The following INTS13 variants were observed in gnomAD, a reference collection of about 807,000 sequenced individuals.
INTS13 encodes the protein asunder, spermatogenesis regulator homolog (Drosphila).
In INTS13, 35 loss-of-function variants were observed where a neutral mutation model predicts 90.2. The observed-to-expected ratio is 0.39, with a 90% CI of 0.30 to 0.51. The LOEUF (loss-of-function observed/expected upper bound fraction) is 0.51. Ranked by LOEUF, INTS13 falls within the 20% of genes least tolerant of loss-of-function variation. INTS13 has a pLI of 0.80. For missense variants in INTS13, 601 were observed against 851.2 expected (o/e 0.71, Z 3.66); for synonymous variants, 309 against 277.1 (o/e 1.11, Z -1.14).
chr12:26,931,568 C>T (rs1486353143), intron 3 of INTS13, among the ~76,000 whole-genome samples: 2 of 152,200 alleles, frequency 1.3e-5, no homozygotes, highest in Non-Finnish European at 2.9e-5. Flanking sequence ...ATAATGTATT[C>T]AATTATTTCA....
At chr12:26,922,119 A>G (rs1271934624) in intron 8 of INTS13, among the ~76,000 whole-genome samples, 3 of 152,192 alleles carry the variant, frequency 2.0e-5, no homozygotes, top group African/African-American at 7.2e-5. Flanking sequence ...TATAAACACT[A>G]CAAGTCCATT....
chr12:26,915,492 C>T (rs908407603), intron 11 of INTS13, among the ~76,000 whole-genome samples: 2 of 152,046 alleles, frequency 1.3e-5, no homozygotes, highest in African/African-American at 4.8e-5. Context: ...ATAAATCACA[C>T]TTAGTTTTTA....
intron 7 of INTS13, among the ~76,000 whole-genome samples, chr12:26,923,169 G>A (rs1371461685): frequency 1.3e-5 from 2 of 151,962 alleles, no homozygotes; most frequent in Non-Finnish European, 2.9e-5. Flanking sequence ...CTTGTTTTCA[G>A]TAATAGGAAA....
At chr12:26,912,658 C>T (rs900542572) in intron 14 of INTS13, among the ~76,000 whole-genome samples, 1 of 151,856 alleles carries the variant, frequency 6.6e-6, no homozygotes, top group Non-Finnish European at 1.5e-5. Flanking sequence ...AGACTGTATG[C>T]CCTTCTTCTG....
intron 15 of INTS13, among the ~76,000 whole-genome samples, chr12:26,908,283 T>C (rs533819305): frequency 1.3e-5 from 2 of 152,342 alleles, no homozygotes; most frequent in Non-Finnish European, 1.5e-5. Context: ...GACTGTTGTG[T>C]ACCCTGATTG....
At chr12:26,927,777 G>A (rs902157965) in intron 5 of INTS13, among the ~76,000 whole-genome samples, 10 of 150,134 alleles carry the variant, frequency 6.7e-5, no homozygotes, top group East Asian at 2.0e-4. Flanking sequence ...CACCAGGCCC[G>A]GCTAATTTTT....
At chr12:26,923,255 C>A (rs1937683992) in intron 7 of INTS13, among the ~76,000 whole-genome samples, 1 of 152,040 alleles carries the variant, frequency 6.6e-6, no homozygotes, top group African/African-American at 2.4e-5. Flanking sequence ...CAAATATGAT[C>A]AAAATTAACA....
chr12:26,933,143 G>C (rs901485136), intron 3 of INTS13, among the ~76,000 whole-genome samples: 1 of 152,156 alleles, frequency 6.6e-6, no homozygotes, highest in Admixed American at 6.5e-5. Flanking sequence ...CAATCAAATA[G>C]AGAGTTCTAT....
At chr12:26,936,912 G>A in intron 1 of INTS13, 98 bp from the exon 2 acceptor site, 1 of 773,588 alleles carries the variant, frequency 1.3e-6, no homozygotes, top group Non-Finnish European at 2.1e-6. Context: ...AAGAAGACTT[G>A]GTAGGGAACA....
At chr12:26,934,168 G>T (rs757172417) in intron 3 of INTS13, among the ~76,000 whole-genome samples, 1 of 152,152 alleles carries the variant, frequency 6.6e-6, no homozygotes, top group African/African-American at 2.4e-5. Flanking sequence ...TCAGCTACTC[G>T]GGAGGCTTAG....
rs1482291797 is a variant in INTS13 at position 26,906,389 on chromosome 12, T to C, written c.1994A>G (p.Asn665Ser). ...SLWSNRINTA[N>S]SRKHQEFAGR... Reference sequence around the variant, plus strand: ...AGCAAATTCCTGATGTTTTCTGGAATTGGCAGTATTGATTCTATTACTCCA... The same window carrying C: ...AGCAAATTCCTGATGTTTTCTGGAACTGGCAGTATTGATTCTATTACTCCA... The change falls in exon 16 of 17, where the codon AAT (asparagine) becomes AGT (serine). Residue 665 changes from asparagine to serine, a missense_variant. By Grantham distance (46) the Asn-to-Ser change is conservative (BLOSUM62 1). This residue lies in a region of INTS13 where 228 missense variants were observed against 272.5 expected (regional missense o/e 0.84). Transcript: ENST00000261191. 6 of 1,613,020 alleles carry C rather than the reference T, an allele frequency of 3.7e-6. No homozygotes were observed. The highest frequency in any genetic ancestry group is 1.7e-5 in the Admixed American group (1 of 59,974).
At chr12:26,907,302 G>A (rs527690152) in intron 15 of INTS13, among the ~76,000 whole-genome samples, 1 of 45,532 alleles carries the variant, frequency 2.2e-5, no homozygotes, top group Non-Finnish European at 3.7e-5. Flanking sequence ...TCCAGAAGCA[G>A]ATCCCACATA....
chr12:26,913,309 TAAGA>T, intron 14 of INTS13, 144 bp downstream of exon 14: 1 of 658,382 alleles, frequency 1.5e-6, no homozygotes, highest in South Asian at 2.1e-5. Flanking sequence ...CTCTAGATTT[TAAGA>T]ATGATAAAAT....
At chr12:26,929,936 C>T (rs1938101688) in intron 3 of INTS13, among the ~76,000 whole-genome samples, 1 of 152,040 alleles carries the variant, frequency 6.6e-6, no homozygotes, top group African/African-American at 2.4e-5. Context: ...CCAAGGTATC[C>T]ACTAAAAAAC....
intron 3 of INTS13, among the ~76,000 whole-genome samples, chr12:26,934,107 C>CTACTAAAAAA (rs1259273760): frequency 1.3e-5 from 2 of 152,120 alleles, no homozygotes; most frequent in East Asian, 3.8e-4. Flanking sequence ...AACCCTATTT[C>CTACTAAAAAA]TACTAAAAAA....
At chr12:26,925,982 A>G in intron 5 of INTS13, 131 bp from the exon 6 acceptor site, 1 of 603,952 alleles carries the variant, frequency 1.7e-6, no homozygotes, top group Non-Finnish European at 2.8e-6. Flanking sequence ...TTAACCCAAA[A>G]GCTAAATATT....
chr12:26,933,844 CA>C (rs991370739), intron 3 of INTS13, among the ~76,000 whole-genome samples: 7 of 151,746 alleles, frequency 4.6e-5, no homozygotes, highest in Admixed American at 2.0e-4. Context: ...ATTATGAAAA[CA>C]AAACACATGA....
chr12:26,928,399 G>T, intron 4 of INTS13, 114 bp from the exon 5 acceptor site: 1 of 837,284 alleles, frequency 1.2e-6, no homozygotes, highest in Non-Finnish European at 1.9e-6. Flanking sequence ...ACTTCACTAA[G>T]GACTATCTTT....
chr12:26,928,553 GCAA>G, intron 4 of INTS13, 147 bp downstream of exon 4: 1 of 711,628 alleles, frequency 1.4e-6, no homozygotes, highest in Non-Finnish European at 2.2e-6. Context: ...ATATTAAAAG[GCAA>G]AAAAAAAAAA....
Sources: gnomAD v4.1 joint callset for allele counts (sites outside exome capture counted in the v4.1 genomes callset) on GRCh38, gnomAD v4.1.1 for gene constraint, gnomAD v4.1.1 regional missense constraint, MANE v1.5 for transcripts, NCBI Gene and HGNC (gene_info 2026-07-23, HGNC 2026-07-21) for gene names.